AGAP1: variants seen among roughly 807,000 people sequenced by gnomAD.
AGAP1 encodes the protein ArfGAP with GTPase domain, ankyrin repeat and PH domain 1.
In AGAP1, 29 loss-of-function variants were observed where a neutral mutation model predicts 105.3. That is an observed-to-expected ratio of 0.28 (90% confidence interval 0.21 to 0.38). The LOEUF is 0.38. Ranked by LOEUF, AGAP1 falls within the 10% of genes least tolerant of loss-of-function variation. The pLI is 1.00. For missense variants in AGAP1, 998 were observed against 1,165.1 expected (o/e 0.86, Z 2.09); for synonymous variants, 509 against 485.9 (o/e 1.05, Z -0.63).
intron 12 of AGAP1, among the ~76,000 whole-genome samples, chr2:235,947,478 A>G (rs2053549929): frequency 6.6e-6 from 1 of 152,172 alleles, no homozygotes; most frequent in Non-Finnish European, 1.5e-5. Context: ...CCACTCGTTG[A>G]TTGATGGGCA....
Position 235,689,920 on chromosome 2 carries a change from A to T in AGAP1, c.164-19259A>T, listed in dbSNP as rs947097907. Among the ~76,000 whole-genome samples the T allele has an allele frequency of 6.1e-5, 9 of 148,108 alleles. No individual in the cohort carries two copies. Among genetic ancestry groups the T allele is most frequent in the Non-Finnish European group, 1.2e-4 (8 of 66,660 alleles). ...CAGAACCTATAGTGTCATTTGTGGTATTTTTTTTTTTAAATACTGCTTTTG... is the reference window on the plus strand; with the variant it reads ...CAGAACCTATAGTGTCATTTGTGGTTTTTTTTTTTTTAAATACTGCTTTTG... On this transcript the variant is annotated intron_variant, in intron 1 of 17. Transcript: ENST00000304032. The surrounding 1 kb of genome is among the most constrained non-coding windows in gnomAD (Gnocchi z 4.2).
rs551583080 is a variant in AGAP1 at position 236,123,105 on chromosome 2, A to T, written c.2371-814A>T. On this transcript the variant is annotated intron_variant, in intron 17 of 17. Coordinates refer to ENST00000304032, the MANE Select transcript of AGAP1 (RefSeq NM_001037131.3). This position sits in a 1 kb window ranked among gnomAD's most constrained non-coding sequence, Gnocchi z 4.6. ...TTGAGGGGTGGGGAGACAGGGTCTC[A>T]CTCTGTTGCCCAGGCTGGAGTGCAG... Among the ~76,000 whole-genome samples, 245 of 151,598 alleles carry T rather than the reference A, an allele frequency of 1.6e-3. 1 individual carries two copies. Among genetic ancestry groups the T allele is most frequent in the South Asian group, 5.2e-3 (25 of 4,774 alleles).
Position 236,109,608 on chromosome 2 carries a change from G to A in AGAP1, c.2115-10584G>A, listed in dbSNP as rs185949572. Reference sequence around the variant, plus strand: ...CGGCAGCCATGGGAATGTCCTAGTCGGCAGCAGTGTCGGTGTTCTAGACCG... The same window carrying A: ...CGGCAGCCATGGGAATGTCCTAGTCAGCAGCAGTGTCGGTGTTCTAGACCG... On this transcript the variant is annotated intron_variant, in intron 16 of 17. Transcript: ENST00000304032. This position sits in a 1 kb window ranked among gnomAD's most constrained non-coding sequence, Gnocchi z 5.4. 1.4e-5 allele frequency among the ~76,000 whole-genome samples: 2 copies of A among 147,374 alleles called. No homozygotes were observed. Among genetic ancestry groups the A allele is most frequent in the African/African-American group, 4.9e-5 (2 of 40,764 alleles).
In AGAP1 at chr2:235,639,758, C is replaced by G. The variant is rs926021004; in HGVS notation, c.164-69421C>G. Among the ~76,000 whole-genome samples the G allele has an allele frequency of 2.6e-4, 39 of 152,178 alleles. No individual in the cohort carries two copies. Among genetic ancestry groups the G allele is most frequent in the Non-Finnish European group, 4.9e-4 (33 of 68,036 alleles). On this transcript the variant is annotated intron_variant, in intron 1 of 17. Coordinates refer to ENST00000304032, the MANE Select transcript of AGAP1 (RefSeq NM_001037131.3). The surrounding 1 kb of genome is among the most constrained non-coding windows in gnomAD (Gnocchi z 5.3). ...AAATCAGCACATGCCATCCCACATT[C>G]TAGACCATCCAGTTTTGCTTCTCAG...
At position 235,973,124 on chromosome 2, in the gene AGAP1, G is replaced by A. The variant is rs1056623766; in HGVS notation, c.1645+4501G>A. Among the ~76,000 whole-genome samples the A allele has an allele frequency of 6.6e-6, 1 of 152,162 alleles. No homozygotes were observed. The highest frequency in any genetic ancestry group is 6.5e-5 in the Admixed American group (1 of 15,272). On this transcript the variant is annotated intron_variant, in intron 13 of 17. Transcript: ENST00000304032. The surrounding 1 kb of genome is among the most constrained non-coding windows in gnomAD (Gnocchi z 4.7). ...AAACCCAGAAACACTGTGTCTACAC[G>A]GGGCTGTCAGGGTGACCGATGGAAA...
rs1441149662 is a variant in AGAP1, at chr2:235,751,361, A to C, written c.673+873A>C. ...AGGGTCCTCTCCCCTTCTGGTTTAA[A>C]TCCATGGGGGCAGAGCCACCTGTCC... On this transcript the variant is annotated intron_variant, in intron 6 of 17. Transcript: ENST00000304032. This position sits in a 1 kb window ranked among gnomAD's most constrained non-coding sequence, Gnocchi z 5.3. 6.6e-6 allele frequency among the ~76,000 whole-genome samples: 1 copy of C among 151,998 alleles called. No homozygotes were observed. Among genetic ancestry groups the C allele is most frequent in the Non-Finnish European group, 1.5e-5 (1 of 68,002 alleles).
intron 2 of AGAP1, among the ~76,000 whole-genome samples, chr2:235,713,873 C>T (rs1950967538): frequency 6.6e-6 from 1 of 152,238 alleles, no homozygotes; most frequent in South Asian, 2.1e-4. Flanking sequence ...CATCTTCTTG[C>T]TGTGTCCTCA....
At chr2:235,571,755 G>A (rs1317861762) in intron 1 of AGAP1, among the ~76,000 whole-genome samples, 5 of 151,856 alleles carry the variant, frequency 3.3e-5, no homozygotes, top group Non-Finnish European at 1.5e-5. Flanking sequence ...AGGGAAAGGG[G>A]CTTCACTTCC....
chr2:235,901,516 A>G lies in AGAP1; in HGVS notation c.1156-7222A>G, dbSNP rs1204461177. ...ACATAAAAGCATACACATGGAGCCAATGGCTGCTTTGCAGACATGAAGCTA... is the reference window on the plus strand; with the variant it reads ...ACATAAAAGCATACACATGGAGCCAGTGGCTGCTTTGCAGACATGAAGCTA... On this transcript the variant is annotated intron_variant, in intron 10 of 17. Transcript: ENST00000304032. This position sits in a 1 kb window ranked among gnomAD's most constrained non-coding sequence, Gnocchi z 4.3. 6.6e-6 allele frequency among the ~76,000 whole-genome samples: 1 copy of G among 152,232 alleles called. No homozygotes were observed. Among genetic ancestry groups the G allele is most frequent in the East Asian group, 1.9e-4 (1 of 5,206 alleles).
intron 6 of AGAP1, among the ~76,000 whole-genome samples, chr2:235,767,700 A>G (rs1456121818): frequency 3.3e-5 from 5 of 150,924 alleles, no homozygotes; most frequent in African/African-American, 1.2e-4. Context: ...TGGGGTTGGC[A>G]GTGGGCTGGG....
rs372082115 is a variant in AGAP1, at chr2:236,120,477, G to T, written c.2370+30G>T. ...GTGGTCGGCACGCCTGGCAGAGGAC[G>T]GGGCCACAGGAGGCACTCTCTGCTT... is the stretch of plus-strand genomic sequence containing the variant. On this transcript the variant is annotated intron_variant, in intron 17 of 17. Coordinates refer to ENST00000304032, the MANE Select transcript of AGAP1 (RefSeq NM_001037131.3). This position sits in a 1 kb window ranked among gnomAD's most constrained non-coding sequence, Gnocchi z 6.0. The T allele has an allele frequency of 2.9e-5, 46 of 1,609,628 alleles. 1 individual carries two copies. Among genetic ancestry groups the T allele is most frequent in the Non-Finnish European group, 3.4e-6 (4 of 1,179,046 alleles).
At chr2:235,995,738 C>T (rs951476270) in intron 13 of AGAP1, among the ~76,000 whole-genome samples, 2 of 152,170 alleles carry the variant, frequency 1.3e-5, no homozygotes, top group African/African-American at 4.8e-5. Flanking sequence ...GATTCCATCT[C>T]TCTGTCTCGG....
intron 12 of AGAP1, among the ~76,000 whole-genome samples, chr2:235,956,830 C>CAA (rs2053972209): frequency 6.6e-6 from 1 of 152,238 alleles, no homozygotes; most frequent in African/African-American, 2.4e-5. Context: ...GCTCATGGCC[C>CAA]AAGTCTCATG....
At chr2:235,687,406 A>G (rs1013499343) in intron 1 of AGAP1, among the ~76,000 whole-genome samples, 4 of 152,168 alleles carry the variant, frequency 2.6e-5, no homozygotes, top group Non-Finnish European at 1.5e-5. Context: ...ATATGTAGGA[A>G]TGTCATCCCT....
In AGAP1 at chr2:235,752,549, C is replaced by T. The variant is rs114795353; in HGVS notation, c.673+2061C>T. ...GCTGCAGCGGGTTTGGGCCCCTCTC[C>T]AGCTGTGACAGCAGAGATGAGGGTC... On this transcript the variant is annotated intron_variant, in intron 6 of 17. Transcript: ENST00000304032. The surrounding 1 kb of genome is among the most constrained non-coding windows in gnomAD (Gnocchi z 4.3). Among the ~76,000 whole-genome samples, 1,520 of 152,282 alleles carry T rather than the reference C, an allele frequency of 1.0e-2. 25 individuals are homozygous for T. The highest frequency in any genetic ancestry group is 0.035 in the African/African-American group (1,452 of 41,548).
At chr2:235,880,044 A>G (rs1415326032) in intron 9 of AGAP1, among the ~76,000 whole-genome samples, 2 of 151,202 alleles carry the variant, frequency 1.3e-5, no homozygotes, top group Non-Finnish European at 2.9e-5. Context: ...CAAGAGTTCA[A>G]GGCCACAAGG....
Position 235,718,420 on chromosome 2 carries a change from G to A in AGAP1, c.310+776G>A, listed in dbSNP as rs1234100592. On this transcript the variant is annotated intron_variant, in intron 3 of 17. Transcript: ENST00000304032. ...AACTATTCATTTTCTTCATGGCAGC[G>A]CTTGTCTTGTTTTGGAGAGAGAGGA... 9 of 984,902 alleles carry A rather than the reference G, an allele frequency of 9.1e-6. No homozygotes were observed. In the East Asian group the frequency reaches 3.4e-4, roughly 37 times the overall value. The allele number at this position is 984,902 out of a possible 1,614,324, so 61.0% of individuals were successfully genotyped here.
chr2:235,881,040 G>A (rs866863121), intron 9 of AGAP1, among the ~76,000 whole-genome samples: 12 of 152,252 alleles, frequency 7.9e-5, no homozygotes, highest in East Asian at 7.7e-4. Context: ...ATTTTGCCAC[G>A]TTTCCGTTAA....
At chr2:235,790,892 G>A (rs1034284186) in intron 6 of AGAP1, among the ~76,000 whole-genome samples, 1 of 152,152 alleles carries the variant, frequency 6.6e-6, no homozygotes, top group East Asian at 1.9e-4. Context: ...TTTAGTAGAC[G>A]GCACAGTTTG....
Sources: gnomAD v4.1 joint callset for allele counts (sites outside exome capture counted in the v4.1 genomes callset) on GRCh38, gnomAD v4.1.1 for gene constraint, Gnocchi (gnomAD v3.1) non-coding constraint, MANE v1.5 for transcripts, NCBI Gene and HGNC (gene_info 2026-07-23, HGNC 2026-07-21) for gene names.